The following MAP4 variants were observed in gnomAD, a reference collection of about 807,000 sequenced individuals.
MAP4 encodes the protein microtubule-associated protein 4.
Under a neutral mutation model 170.2 loss-of-function variants are expected in MAP4, and 76 were observed. The observed-to-expected ratio is 0.45, with a 90% CI of 0.37 to 0.54. The LOEUF is 0.54. Ranked by LOEUF, MAP4 falls within the 20% of genes least tolerant of loss-of-function variation. The probability of loss-of-function intolerance (pLI) is 0.00; values close to 1 mark genes in which losing one functional copy is unlikely to be tolerated. For missense variants in MAP4, 2,506 were observed against 2,748.0 expected (o/e 0.91, Z 1.97); for synonymous variants, 909 against 994.5 (o/e 0.91, Z 1.62).
At chr3:47,984,963 C>T (rs1357470835) in intron 2 of MAP4, among the ~76,000 whole-genome samples, 5 of 148,282 alleles carry the variant, frequency 3.4e-5, no homozygotes, top group African/African-American at 7.5e-5. Flanking sequence ...AGTGAGACCC[C>T]GTCTTAAAAA....
chr3:47,942,686 A>G (rs1471539031), intron 3 of MAP4, among the ~76,000 whole-genome samples: 2 of 152,258 alleles, frequency 1.3e-5, no homozygotes, highest in Non-Finnish European at 2.9e-5. Context: ...AAAGGTGACA[A>G]GGAAAATACG....
intron 8 of MAP4, 131 bp from the exon 9 acceptor site, chr3:47,912,552 T>C (rs565726702): frequency 6.0e-4 from 392 of 653,250 alleles, no homozygotes; most frequent in Non-Finnish European, 7.6e-4. Context: ...CATATAGTAC[T>C]TACTGTAATT....
intron 1 of MAP4, among the ~76,000 whole-genome samples, chr3:48,067,136 A>G (rs981446225): frequency 6.6e-5 from 10 of 151,996 alleles, no homozygotes; most frequent in Middle Eastern, 3.4e-3. Context: ...CACCGCGCCC[A>G]GCCTCTAATT....
At chr3:47,892,461 G>A (rs867340376) in intron 10 of MAP4, 9 of 1,534,150 alleles carry the variant, frequency 5.9e-6, no homozygotes, top group Non-Finnish European at 7.9e-6. Flanking sequence ...GCGGCAGTGA[G>A]AGAGGCTGTC....
chr3:47,857,612 G>T (rs373821246), intron 17 of MAP4, 100 bp from the exon 18 acceptor site: 2 of 783,680 alleles, frequency 2.6e-6, no homozygotes, highest in African/African-American at 3.4e-5. Flanking sequence ...AGGGTTTCTC[G>T]CTCCCTCTGT....
intron 3 of MAP4, among the ~76,000 whole-genome samples, chr3:47,971,720 CG>C (rs2100078866): frequency 1.3e-5 from 2 of 152,248 alleles, no homozygotes; most frequent in South Asian, 4.1e-4. Flanking sequence ...GTAATGGAAA[CG>C]GCATCAACAT....
At position 47,916,180 on chromosome 3, in the gene MAP4, G is replaced by A. The variant is rs146972984; in HGVS notation, c.1647C>T (p.Val549=). ...GGGGTGCTTCTGTTTTGAGGGCTGG[G>A]ACCTGATCCTCAGTCAGGGCCACCT... ...EMEVALTEDQ[V]PALKTEAPLA... Residue 549 remains valine, a synonymous_variant, in exon 7 of 21, where the codon GTC becomes GTT. Transcript: ENST00000683076. 9.8e-5 allele frequency: 158 copies of A among 1,614,156 alleles called. No individual in the cohort carries two copies. The African/African-American group carries it at 1.9e-3, about 20-fold the overall frequency.
intron 3 of MAP4, among the ~76,000 whole-genome samples, chr3:47,964,386 G>C (rs925746861): frequency 6.6e-6 from 1 of 152,172 alleles, no homozygotes; most frequent in African/African-American, 2.4e-5. Flanking sequence ...AACTGGGTGT[G>C]GGGTGTGAGA....
Position 47,852,904 on chromosome 3 carries a change from G to A in MAP4, c.*30C>T. 6.2e-7 allele frequency: 1 copy of A among 1,608,116 alleles called. No homozygotes were observed. The highest frequency in any genetic ancestry group is 8.5e-7 in the Non-Finnish European group (1 of 1,176,806). The stretch of plus-strand genomic sequence containing the variant: ...GGCCCCGTGGTCGGTGCGGGCCCTG[G>A]CATTTGCCCGGAACGTCAGCCTGTA... On this transcript the variant is annotated 3_prime_UTR_variant, in exon 21 of 21. Coordinates refer to ENST00000683076, the MANE Select transcript of MAP4 (RefSeq NM_001385682.1).
At chr3:48,029,826 C>T (rs1328859899) in intron 1 of MAP4, among the ~76,000 whole-genome samples, 4 of 151,510 alleles carry the variant, frequency 2.6e-5, no homozygotes, top group Admixed American at 2.0e-4. Context: ...GGTGAAACCC[C>T]GTCTCTATTA....
rs979072381 is a variant in MAP4, at chr3:47,877,124, G to A, written c.5541+293C>T. 2.3e-5 allele frequency: 6 copies of A among 265,042 alleles called. No homozygotes were observed. The East Asian group carries it at 3.9e-4, about 17-fold the overall frequency. 16.4% of individuals were successfully genotyped at this position (265,042 alleles called of 1,614,324 possible). ...CTCCATCTCCTGATGTGATCCGCCCGCCTTGGCCTCCCAAAGTGCTGAGAT... is the reference window on the plus strand; with the variant it reads ...CTCCATCTCCTGATGTGATCCGCCCACCTTGGCCTCCCAAAGTGCTGAGAT... On this transcript the variant is annotated intron_variant, in intron 11 of 20. Coordinates refer to ENST00000683076, the MANE Select transcript of MAP4 (RefSeq NM_001385682.1).
At chr3:47,996,215 G>T (rs149948138) in intron 2 of MAP4, among the ~76,000 whole-genome samples, 53 of 152,250 alleles carry the variant, frequency 3.5e-4, no homozygotes, top group Non-Finnish European at 6.0e-4. Context: ...TGTAGCTAGG[G>T]AAAGAGTAAT....
chr3:48,087,745 G>GCGCGCACACA (rs1491486983), intron 1 of MAP4, among the ~76,000 whole-genome samples: 1 of 105,614 alleles, frequency 9.5e-6, no homozygotes, highest in South Asian at 3.5e-4. Flanking sequence ...ACACGCACGC[G>GCGCGCACACA]CACACACACA....
chr3:48,084,885 C>T (rs1264313822), intron 1 of MAP4, among the ~76,000 whole-genome samples: 1 of 151,646 alleles, frequency 6.6e-6, no homozygotes, highest in Admixed American at 6.6e-5. Flanking sequence ...TCAAGCAATC[C>T]TCCGCCTCAG....
At chr3:48,020,859 T>A (rs1579312558), upstream of MAP4, among the ~76,000 whole-genome samples, 1 of 151,454 alleles carries the variant, frequency 6.6e-6, no homozygotes, top group Non-Finnish European at 1.5e-5. Flanking sequence ...TAGTCACAGG[T>A]GTGCTCATTG....
intron 1 of MAP4, among the ~76,000 whole-genome samples, chr3:48,009,612 C>G (rs1403012284): frequency 1.3e-5 from 2 of 152,160 alleles, no homozygotes; most frequent in Admixed American, 1.3e-4. Flanking sequence ...AACTAGGTGA[C>G]AATACTTTGC....
intron 1 of MAP4, among the ~76,000 whole-genome samples, chr3:48,031,964 A>G (rs924281487): frequency 1.3e-5 from 2 of 152,178 alleles, no homozygotes; most frequent in Non-Finnish European, 2.9e-5. Flanking sequence ...ATATAATGTG[A>G]TAAGAGTGGC....
intron 1 of MAP4, among the ~76,000 whole-genome samples, chr3:48,057,610 A>AAAATAAAT (rs138347920): frequency 1.7e-3 from 218 of 127,140 alleles, no homozygotes; most frequent in Middle Eastern, 4.1e-3. Flanking sequence ...TATCAATAAA[A>AAAATAAAT]AAATAAATAA....
chr3:48,035,888 C>CGAG (rs1451464920), intron 1 of MAP4, among the ~76,000 whole-genome samples: 1 of 151,810 alleles, frequency 6.6e-6, no homozygotes, highest in Non-Finnish European at 1.5e-5. Flanking sequence ...TGCAGTGAGC[C>CGAG]GAGATCCCAC....
Sources: gnomAD v4.1 joint callset for allele counts (sites outside exome capture counted in the v4.1 genomes callset) on GRCh38, gnomAD v4.1.1 for gene constraint, MANE v1.5 for transcripts, NCBI Gene and HGNC (gene_info 2026-07-23, HGNC 2026-07-21) for gene names.